Variants in CD47 observed in about 807,000 individuals in gnomAD.
CD47 encodes the protein leukocyte surface antigen CD47.
A neutral mutation model predicts 44.6 loss-of-function variants in CD47; 11 were observed. That is an observed-to-expected ratio of 0.25 (90% CI 0.16 to 0.41). CD47 has a LOEUF of 0.41. Ranked by LOEUF, CD47 falls within the 10% of genes least tolerant of loss-of-function variation. The probability of loss-of-function intolerance (pLI) is 1.00; values close to 1 mark genes in which losing one functional copy is unlikely to be tolerated. For synonymous variants in CD47, 140 were observed against 136.3 expected (o/e 1.03, Z -0.19); for missense variants, 306 against 386.7 (o/e 0.79, Z 1.75).
chr3:108,077,930 T>A (rs568794561), intron 2 of CD47, among the ~76,000 whole-genome samples: 1 of 152,088 alleles, frequency 6.6e-6, no homozygotes, highest in South Asian at 2.1e-4. Flanking sequence ...CTAGTAAGAA[T>A]AAGCATGAGG....
intron 2 of CD47, among the ~76,000 whole-genome samples, chr3:108,079,355 T>C (rs2079369152): frequency 6.6e-6 from 1 of 151,756 alleles, no homozygotes; most frequent in South Asian, 2.1e-4. Context: ...GGCAGAATCA[T>C]GGTGCTATCA....
intron 2 of CD47, among the ~76,000 whole-genome samples, chr3:108,079,282 C>G (rs2079368072): frequency 2.0e-5 from 3 of 151,828 alleles, no homozygotes; most frequent in Admixed American, 2.0e-4. Context: ...GGAGAGGAGA[C>G]TATTTACTTC....
intron 1 of CD47, among the ~76,000 whole-genome samples, chr3:108,088,494 C>T (rs2079563839): frequency 6.6e-6 from 1 of 152,088 alleles, no homozygotes; most frequent in Non-Finnish European, 1.5e-5. Flanking sequence ...CATTTACTTC[C>T]TTAAAATGGC....
intron 9 of CD47, 46 bp from the exon 10 acceptor site, chr3:108,049,697 A>C: frequency 7.2e-7 from 1 of 1,390,454 alleles, no homozygotes; most frequent in Non-Finnish European, 1.0e-6. Context: ...AGGTTCCACA[A>C]TTGGAAATCA....
At chr3:108,064,101 T>C (rs1401203795) in intron 3 of CD47, among the ~76,000 whole-genome samples, 1 of 152,260 alleles carries the variant, frequency 6.6e-6, no homozygotes, top group Non-Finnish European at 1.5e-5. Flanking sequence ...CAGCCCCTTT[T>C]GCTAGTCTAA....
rs2078705365 is a variant in CD47, at chr3:108,045,333, T to C, written c.*1955A>G. ...TGGATCTTTTTCAAGTCCATCTGCTTTTCCCTCCTTTCATCAAAACTGATT... is the reference window on the plus strand; with the variant it reads ...TGGATCTTTTTCAAGTCCATCTGCTCTTCCCTCCTTTCATCAAAACTGATT... On this transcript the variant is annotated 3_prime_UTR_variant, in exon 11 of 11. Coordinates refer to ENST00000361309, the MANE Select transcript of CD47 (RefSeq NM_001777.4). 6.6e-6 allele frequency: 1 copy of C among 152,642 alleles called. No homozygotes were observed. Among genetic ancestry groups the C allele is most frequent in the African/African-American group, 2.4e-5 (1 of 41,440 alleles). 9.5% of individuals were successfully genotyped at this position (152,642 alleles called of 1,614,324 possible). A position where few individuals can be genotyped will look rare whatever the true frequency, so the allele number is the denominator to read the frequency against.
chr3:108,056,987 T>C (rs532836347), intron 7 of CD47, among the ~76,000 whole-genome samples: 9 of 152,282 alleles, frequency 5.9e-5, no homozygotes, highest in Admixed American at 2.0e-4. Context: ...AATTGATAGA[T>C]TGTGAATTTT....
chr3:108,058,341 A>G lies in CD47; in HGVS notation c.780T>C (p.Ile260=). 5.8e-6 allele frequency: 9 copies of G among 1,552,166 alleles called. No homozygotes were observed. Among genetic ancestry groups the G allele is most frequent in the Non-Finnish European group, 7.9e-6 (9 of 1,144,618 alleles). Reference sequence around the variant, plus strand: ...CTACAGAAAGATGACTCTTACCCGCAATACAGAGACTCAGTCCAACCACAG... The same window carrying G: ...CTACAGAAAGATGACTCTTACCCGCGATACAGAGACTCAGTCCAACCACAG... ...ILAVVGLSLC[I]AACIPMHGPL... is the part of the protein sequence containing the mutation. Residue 260 remains isoleucine, a synonymous_variant, in exon 6 of 11, where the codon ATT becomes ATC. Transcript: ENST00000361309.
intron 10 of CD47, among the ~76,000 whole-genome samples, chr3:108,048,033 AC>A (rs1343089011): frequency 6.6e-6 from 1 of 152,030 alleles, no homozygotes; most frequent in Non-Finnish European, 1.5e-5. Context: ...CAATGACACC[AC>A]CAAGGAAAAG....
rs1559963685 is a variant in CD47 at position 108,044,448 on chromosome 3, CAAAAAAAAAAAACAGAA to C, written c.*2823_*2839del. ...AAAAAAAAAAAAAAAAAAAAAAAAA[CAAAAAAAAAAAACAGAA>C]AGAAAGAAAACTCTCAAGCTCACCC... is the stretch of plus-strand genomic sequence containing the variant. On this transcript the variant is annotated 3_prime_UTR_variant, in exon 11 of 11. Transcript: ENST00000361309. The C allele has an allele frequency of 1.5e-4, 9 of 60,248 alleles. No individual in the cohort carries two copies. Among genetic ancestry groups the C allele is most frequent in the African/African-American group, 3.2e-4 (6 of 18,584 alleles). The allele number at this position is 60,248 out of a possible 1,614,324, so 3.7% of individuals were successfully genotyped here.
chr3:108,050,899 G>T, intron 8 of CD47: 1 of 393,564 alleles, frequency 2.5e-6, no homozygotes, highest in Non-Finnish European at 5.0e-6. Context: ...ATATGAAAGT[G>T]CAAGCATAAA....
At chr3:108,064,272 G>A (rs1417689881) in intron 3 of CD47, among the ~76,000 whole-genome samples, 1 of 152,156 alleles carries the variant, frequency 6.6e-6, no homozygotes, top group Non-Finnish European at 1.5e-5. Context: ...TGTGTTTGAG[G>A]GGAGGGGGGT....
intron 1 of CD47, among the ~76,000 whole-genome samples, chr3:108,087,871 C>A (rs2079551860): frequency 6.6e-6 from 1 of 152,128 alleles, no homozygotes; most frequent in Non-Finnish European, 1.5e-5. Flanking sequence ...ATTCTATTGT[C>A]TTAGTCTAGG....
intron 2 of CD47, 73 bp from the exon 3 acceptor site, chr3:108,071,255 T>C (rs981799887): frequency 7.3e-6 from 5 of 687,776 alleles, no homozygotes; most frequent in Non-Finnish European, 1.2e-5. Context: ...TGGTCTATAA[T>C]ACATGCTTTA....
At chr3:108,048,296 A>C (rs1032097941) in intron 10 of CD47, among the ~76,000 whole-genome samples, 4 of 151,986 alleles carry the variant, frequency 2.6e-5, no homozygotes, top group Non-Finnish European at 4.4e-5. Flanking sequence ...CAAACATACA[A>C]AAGTAGGATC....
intron 3 of CD47, among the ~76,000 whole-genome samples, chr3:108,070,722 C>T (rs1199217224): frequency 1.3e-5 from 2 of 152,268 alleles, no homozygotes; most frequent in Admixed American, 6.5e-5. Context: ...CAAAGTATAA[C>T]GTCCTACCTT....
In CD47 at chr3:108,044,810, A is replaced by G. The variant is rs1423267381; in HGVS notation, c.*2478T>C. ...AAAGTAGCTGGAAAGGTTGTTGCAG[A>G]AAAGGACAAATGGTGTCACTGTGAG... is the stretch of plus-strand genomic sequence containing the variant. On this transcript the variant is annotated 3_prime_UTR_variant, in exon 11 of 11. Coordinates refer to ENST00000361309, the MANE Select transcript of CD47 (RefSeq NM_001777.4). The G allele has an allele frequency of 6.6e-6, 1 of 152,576 alleles. No individual in the cohort carries two copies. The highest frequency in any genetic ancestry group is 1.5e-5 in the Non-Finnish European group (1 of 68,054). The allele number at this position is 152,576 out of a possible 1,614,324, so 9.5% of individuals were successfully genotyped here. A position where few individuals can be genotyped will look rare whatever the true frequency, so the allele number is the denominator to read the frequency against.
At chr3:108,071,298 CTTA>C in intron 2 of CD47, 116 bp from the exon 3 acceptor site, 1 of 540,114 alleles carries the variant, frequency 1.9e-6, no homozygotes, top group Non-Finnish European at 3.3e-6. Flanking sequence ...AAACTGTGGC[CTTA>C]TTTTTACATG....
At chr3:108,059,355 TTGAGTTG>T (rs2078972222) in intron 5 of CD47, 90 bp downstream of exon 5, 6 of 553,250 alleles carry the variant, frequency 1.1e-5, no homozygotes, top group Middle Eastern at 2.8e-4. Flanking sequence ...CCTACTCTTA[TTGAGTTG>T]TAAAAAATTT....
Sources: gnomAD v4.1 joint callset for allele counts (sites outside exome capture counted in the v4.1 genomes callset) on GRCh38, gnomAD v4.1.1 for gene constraint, MANE v1.5 for transcripts, NCBI Gene and HGNC (gene_info 2026-07-23, HGNC 2026-07-21) for gene names.